Variants in GABRG1 observed in about 807,000 individuals in gnomAD.
GABRG1 encodes the protein gamma-aminobutyric acid type A receptor subunit gamma1.
Under a neutral mutation model 49.8 loss-of-function variants are expected in GABRG1, and 49 were observed. The observed-to-expected ratio is 0.98, with a 90% CI of 0.78 to 1.25. GABRG1 has a LOEUF of 1.25. Ranked by LOEUF, GABRG1 falls within the 50% of genes most tolerant of loss-of-function variation. GABRG1 has a pLI of 0.00. For synonymous variants in GABRG1, 232 were observed against 185.1 expected (o/e 1.25, Z -2.06); for missense variants, 552 against 552.3 (o/e 1.00, Z 0.01).
chr4:46,046,863 A>T (rs1566857), intron 8 of GABRG1, among the ~76,000 whole-genome samples: 4,792 of 152,214 alleles, frequency 0.031, 176 homozygotes, highest in South Asian at 0.18. Context: ...ATACATAGAA[A>T]TATACCATCC....
intron 7 of GABRG1, among the ~76,000 whole-genome samples, chr4:46,052,265 A>T (rs560502507): frequency 2.0e-5 from 3 of 150,274 alleles, no homozygotes; most frequent in Non-Finnish European, 4.4e-5. Flanking sequence ...TAGACTTCAC[A>T]TAAGCAACAG....
rs189498188 is a variant in GABRG1 at position 46,069,770 on chromosome 4, G to A, written c.322-4186C>T. The stretch of plus-strand genomic sequence containing the variant: ...TATAATGTACTTGGTTTACAAAGAC[G>A]AAAATGGAACCTTCTTGGTATGAAC... On this transcript the variant is annotated intron_variant, in intron 3 of 8. Coordinates refer to ENST00000295452, the MANE Select transcript of GABRG1 (RefSeq NM_173536.4). Among the ~76,000 whole-genome samples, 809 of 152,108 alleles carry A rather than the reference G, an allele frequency of 5.3e-3. 4 individuals are homozygous for A. The highest frequency in any genetic ancestry group is 7.6e-3 in the Admixed American group (116 of 15,252).
rs905857388 is a variant in GABRG1, at chr4:46,071,610, C to A, written c.322-6026G>T. ...GATGACAGCTTTATGCATGTTATTGCCCCTGAAGACCTTCTAGTGGGACAA... is the reference window on the plus strand; with the variant it reads ...GATGACAGCTTTATGCATGTTATTGACCCTGAAGACCTTCTAGTGGGACAA... On this transcript the variant is annotated intron_variant, in intron 3 of 8. Coordinates refer to ENST00000295452, the MANE Select transcript of GABRG1 (RefSeq NM_173536.4). 3.3e-5 allele frequency among the ~76,000 whole-genome samples: 5 copies of A among 151,480 alleles called. No homozygotes were observed. The Admixed American group carries it at 3.3e-4, about 10-fold the overall frequency.
chr4:46,085,600 T>C (rs551521992), intron 2 of GABRG1, among the ~76,000 whole-genome samples: 1 of 151,636 alleles, frequency 6.6e-6, no homozygotes, highest in East Asian at 1.9e-4. Context: ...CCGACAAAGA[T>C]GAATAAACCA....
At chr4:46,042,498 C>T (rs777403993) in intron 8 of GABRG1, among the ~76,000 whole-genome samples, 12 of 151,852 alleles carry the variant, frequency 7.9e-5, no homozygotes, top group Non-Finnish European at 1.3e-4. Context: ...TTAAATATAG[C>T]GCCAATTTTA....
chr4:46,102,258 G>T (rs1720404680), intron 1 of GABRG1, among the ~76,000 whole-genome samples: 1 of 151,590 alleles, frequency 6.6e-6, no homozygotes, highest in South Asian at 2.1e-4. Context: ...CTAAGGATGA[G>T]CCCTGAGTCT....
chr4:46,044,438 A>G (rs377359378), intron 8 of GABRG1, among the ~76,000 whole-genome samples: 27 of 151,970 alleles, frequency 1.8e-4, no homozygotes, highest in African/African-American at 6.5e-4. Flanking sequence ...CTGTGATTGC[A>G]CTACTGCATT....
At chr4:46,120,002 C>T (rs1721048813) in intron 1 of GABRG1, among the ~76,000 whole-genome samples, 1 of 151,608 alleles carries the variant, frequency 6.6e-6, no homozygotes, top group Admixed American at 6.6e-5. Flanking sequence ...AGTTTCTTTG[C>T]ACAGATTTTC....
intron 3 of GABRG1, among the ~76,000 whole-genome samples, chr4:46,075,305 T>C (rs190239702): frequency 7.6e-4 from 115 of 152,202 alleles, no homozygotes; most frequent in Non-Finnish European, 1.3e-3. Context: ...CAAAATTCTT[T>C]TTGTTAATTT....
chr4:46,093,761 A>T (rs554274147), intron 2 of GABRG1, among the ~76,000 whole-genome samples: 74 of 152,114 alleles, frequency 4.9e-4, no homozygotes, highest in African/African-American at 1.7e-3. Context: ...AACTTTTTTT[A>T]AAAAAGGAGA....
chr4:46,077,794 A>G (rs1283661101), intron 3 of GABRG1, among the ~76,000 whole-genome samples: 1 of 151,738 alleles, frequency 6.6e-6, no homozygotes, highest in Non-Finnish European at 1.5e-5. Flanking sequence ...ACAGACAAAT[A>G]AAACAATGAA....
intron 2 of GABRG1, among the ~76,000 whole-genome samples, chr4:46,091,342 G>T (rs1342675674): frequency 6.6e-6 from 1 of 151,904 alleles, no homozygotes; most frequent in East Asian, 1.9e-4. Context: ...ATGTCATGTA[G>T]AATCTCCATT....
chr4:46,094,631 T>C (rs1033219786), intron 2 of GABRG1, among the ~76,000 whole-genome samples: 1 of 151,658 alleles, frequency 6.6e-6, no homozygotes. Flanking sequence ...GGTTAGGAAA[T>C]AGTATAGTGA....
chr4:46,062,783 C>A (rs9997574), intron 5 of GABRG1, among the ~76,000 whole-genome samples: 7 of 151,714 alleles, frequency 4.6e-5, no homozygotes, highest in Non-Finnish European at 8.8e-5. Flanking sequence ...TGTCTCAGCC[C>A]AAAATCTCCT....
rs778015496 is a variant in GABRG1 at position 46,065,316 on chromosome 4, G to A, written c.542+48C>T. ...AAAATTAAGAATTGATTAAATATTA[G>A]TATGGAAAATAAATGAGAGCAACTA... On this transcript the variant is annotated intron_variant, in intron 4 of 8. Coordinates refer to ENST00000295452, the MANE Select transcript of GABRG1 (RefSeq NM_173536.4). 1.9e-5 allele frequency: 24 copies of A among 1,258,080 alleles called. No homozygotes were observed. In the East Asian group the frequency reaches 5.2e-4, roughly 27 times the overall value. 77.9% of individuals were successfully genotyped at this position (1,258,080 alleles called of 1,614,324 possible).
intron 1 of GABRG1, among the ~76,000 whole-genome samples, chr4:46,100,742 T>G (rs1327321818): frequency 6.7e-6 from 1 of 149,284 alleles, no homozygotes; most frequent in Non-Finnish European, 1.5e-5. Flanking sequence ...GTTTTTTTTT[T>G]TATGGTGGCA....
In GABRG1 at chr4:46,036,125, A is replaced by G. The variant is rs1717511643; in HGVS notation, c.*4863T>C. 1 of 151,842 alleles carries G rather than the reference A, an allele frequency of 6.6e-6. No homozygotes were observed. Among genetic ancestry groups the G allele is most frequent in the Admixed American group, 6.6e-5 (1 of 15,204 alleles). The allele number at this position is 151,842 out of a possible 1,614,324, so 9.4% of individuals were successfully genotyped here. On this transcript the variant is annotated 3_prime_UTR_variant, in exon 9 of 9. Coordinates refer to ENST00000295452, the MANE Select transcript of GABRG1 (RefSeq NM_173536.4). ...CAGCCTTTACTATTCACACACTCAA[A>G]GGGTCCAGGTATGTTTCATTGTCCA...
intron 2 of GABRG1, 21 bp from the exon 3 acceptor site, chr4:46,084,074 GA>G: frequency 7.0e-7 from 1 of 1,431,468 alleles, no homozygotes; most frequent in Non-Finnish European, 9.7e-7. Context: ...TCAACAAAAA[GA>G]AAGGTCAAAG....
In GABRG1 at chr4:46,039,602, A is replaced by T. The variant is rs1250807429; in HGVS notation, c.*1386T>A. 2 of 151,758 alleles carry T rather than the reference A, an allele frequency of 1.3e-5. No homozygotes were observed. The highest frequency in any genetic ancestry group is 4.8e-5 in the African/African-American group (2 of 41,406). The allele number at this position is 151,758 out of a possible 1,614,324, so 9.4% of individuals were successfully genotyped here. A position where few individuals can be genotyped will look rare whatever the true frequency, so the allele number is the denominator to read the frequency against. ...TCTTTAAAGGTTATTTCCAAGCTAA[A>T]CCTGGTGGTTCTCCAGAAATTTATG... On this transcript the variant is annotated 3_prime_UTR_variant, in exon 9 of 9. Transcript: ENST00000295452.
Sources: allele counts gnomAD v4.1 joint callset (sites outside exome capture counted in the v4.1 genomes callset), GRCh38; gene constraint gnomAD v4.1.1; transcripts MANE v1.5; gene names NCBI Gene and HGNC (gene_info 2026-07-23, HGNC 2026-07-21).